Variants in PPP1R9A observed in about 807,000 individuals in gnomAD.
PPP1R9A encodes neurabin-1.
In PPP1R9A, 59 loss-of-function variants were observed where a neutral mutation model predicts 141.9. That is an observed-to-expected ratio of 0.42 (90% CI 0.34 to 0.52). The LOEUF is 0.52. PPP1R9A is among the 20% of genes least tolerant of loss of function. The pLI is 0.10. For missense variants in PPP1R9A, 1,444 were observed against 1,611.9 expected, an observed-to-expected ratio of 0.90 and a Z score of 1.78; for synonymous variants, 500 against 569.7, an observed-to-expected ratio of 0.88 and a Z score of 1.74.
intron 2 of PPP1R9A, chr7:95,018,678 A>G (rs1805451567): frequency 6.6e-6 from 1 of 152,298 alleles, no homozygotes; most frequent in Non-Finnish European, 1.5e-5. Flanking sequence ...TGCTAAGTTT[A>G]TGGTTCCTCA....
chr7:95,130,133 C>T (rs1392293201), intron 4 of PPP1R9A, among the ~76,000 whole-genome samples: 3 of 152,194 alleles, frequency 2.0e-5, no homozygotes, highest in African/African-American at 7.2e-5. Flanking sequence ...AGGGCAGCCC[C>T]TCCCATCACA....
At chr7:95,286,567 G>C (rs1805374390) in intron 18 of PPP1R9A, among the ~76,000 whole-genome samples, 1 of 152,080 alleles carries the variant, frequency 6.6e-6, no homozygotes, top group African/African-American at 2.4e-5. Context: ...TGATGGGGAG[G>C]CTGGGCAGTG....
At chr7:95,198,709 T>A (rs1836654511) in intron 6 of PPP1R9A, among the ~76,000 whole-genome samples, 1 of 152,172 alleles carries the variant, frequency 6.6e-6, no homozygotes, top group South Asian at 2.1e-4. Context: ...CACAAATAAG[T>A]CTTATCTTTT....
At chr7:95,043,908 C>T (rs1474498954) in intron 2 of PPP1R9A, among the ~76,000 whole-genome samples, 1 of 152,124 alleles carries the variant, frequency 6.6e-6, no homozygotes, top group Admixed American at 6.6e-5. Flanking sequence ...CCAGTTCTGT[C>T]CTGAAATACC....
intron 8 of PPP1R9A, among the ~76,000 whole-genome samples, chr7:95,242,555 G>T (rs758085357): frequency 6.6e-6 from 1 of 151,804 alleles, no homozygotes; most frequent in Non-Finnish European, 1.5e-5. Flanking sequence ...GGATTATATC[G>T]ATCCGGTAAT....
intron 18 of PPP1R9A, among the ~76,000 whole-genome samples, chr7:95,288,208 A>C (rs1428526443): frequency 2.0e-5 from 3 of 152,186 alleles, no homozygotes; most frequent in Admixed American, 6.5e-5. Context: ...TGCATATAGA[A>C]ATTTATGAAA....
intron 12 of PPP1R9A, among the ~76,000 whole-genome samples, chr7:95,267,607 C>A (rs1239748509): frequency 6.6e-6 from 1 of 152,032 alleles, no homozygotes; most frequent in Admixed American, 6.6e-5. Context: ...AAGAGCCAGG[C>A]TAAAGAGGAC....
At chr7:95,223,974 C>G (rs1462377285) in intron 7 of PPP1R9A, among the ~76,000 whole-genome samples, 1 of 151,258 alleles carries the variant, frequency 6.6e-6, no homozygotes, top group Non-Finnish European at 1.5e-5. Context: ...TGGGTATGAA[C>G]AGGAGATGAA....
intron 2 of PPP1R9A, among the ~76,000 whole-genome samples, chr7:94,978,592 A>G (rs965867335): frequency 6.6e-6 from 1 of 152,032 alleles, no homozygotes; most frequent in Non-Finnish European, 1.5e-5. Flanking sequence ...TGTGGGCTGC[A>G]TTCATTTTCA....
At chr7:95,184,102 T>G (rs1834283839) in intron 5 of PPP1R9A, among the ~76,000 whole-genome samples, 1 of 152,190 alleles carries the variant, frequency 6.6e-6, no homozygotes, top group African/African-American at 2.4e-5. Context: ...TTTTAACTCT[T>G]AACTACTGTC....
intron 2 of PPP1R9A, among the ~76,000 whole-genome samples, chr7:95,060,467 C>T (rs1812084456): frequency 6.6e-6 from 1 of 152,164 alleles, no homozygotes; most frequent in Non-Finnish European, 1.5e-5. Flanking sequence ...GTGACCATGA[C>T]CCATCACCCA....
At chr7:95,029,239 A>C (rs577301271) in intron 2 of PPP1R9A, among the ~76,000 whole-genome samples, 28 of 152,202 alleles carry the variant, frequency 1.8e-4, no homozygotes, top group Non-Finnish European at 3.7e-4. Flanking sequence ...TGGGAGGCCA[A>C]GCTACTTTTT....
chr7:95,140,787 A>G (rs1826529225), intron 4 of PPP1R9A, among the ~76,000 whole-genome samples: 1 of 152,156 alleles, frequency 6.6e-6, no homozygotes, highest in African/African-American at 2.4e-5. Flanking sequence ...GTCTTGGCTC[A>G]CTGAAATCCT....
chr7:95,014,805 T>C (rs1804871021), intron 2 of PPP1R9A, among the ~76,000 whole-genome samples: 1 of 152,082 alleles, frequency 6.6e-6, no homozygotes, highest in Non-Finnish European at 1.5e-5. Flanking sequence ...GGAAGAAGTT[T>C]CCTTTCTCAT....
At chr7:94,964,192 T>A (rs1161209041) in intron 2 of PPP1R9A, among the ~76,000 whole-genome samples, 1 of 152,134 alleles carries the variant, frequency 6.6e-6, no homozygotes, top group East Asian at 1.9e-4. Flanking sequence ...CATTTATCAG[T>A]TGAGAGACAT....
chr7:95,275,162 CT>C (rs1802923381), intron 16 of PPP1R9A, among the ~76,000 whole-genome samples: 1 of 152,072 alleles, frequency 6.6e-6, no homozygotes, highest in South Asian at 2.1e-4. Flanking sequence ...AATCCCAGCA[CT>C]TTGGGAGGCC....
intron 2 of PPP1R9A, among the ~76,000 whole-genome samples, chr7:95,037,773 T>G: frequency 6.6e-6 from 1 of 151,918 alleles, no homozygotes; most frequent in Non-Finnish European, 1.5e-5. Flanking sequence ...AGATATTGAG[T>G]CTCCCAGTTT....
At chr7:95,129,352 A>G (rs1824157446) in intron 4 of PPP1R9A, among the ~76,000 whole-genome samples, 1 of 152,234 alleles carries the variant, frequency 6.6e-6, no homozygotes, top group South Asian at 2.1e-4. Flanking sequence ...GATTCTCTGC[A>G]CAAGCTCTTC....
At chr7:95,137,934 CTTT>C (rs1041692626) in intron 4 of PPP1R9A, among the ~76,000 whole-genome samples, 1 of 134,512 alleles carries the variant, frequency 7.4e-6, no homozygotes, top group Non-Finnish European at 1.6e-5. Flanking sequence ...TTCTTTTTTT[CTTT>C]TTTTTTTTTT....
Sources: allele counts gnomAD v4.1 joint callset (sites outside exome capture counted in the v4.1 genomes callset), GRCh38; gene constraint gnomAD v4.1.1; transcripts MANE v1.5; gene names NCBI Gene and HGNC (gene_info 2026-07-23, HGNC 2026-07-21).